Variants in ZNF638 observed in about 807,000 individuals in gnomAD.
The protein encoded by ZNF638 is CTCL tumor antigen se33-1.
In ZNF638, 46 loss-of-function variants were observed where a neutral mutation model predicts 195.6. The observed-to-expected ratio is 0.24, with a 90% CI of 0.19 to 0.30. The LOEUF (loss-of-function observed/expected upper bound fraction) is 0.30. Among genes scored for constraint, ZNF638 ranks in the 10% least tolerant of loss-of-function variants. The probability of loss-of-function intolerance (pLI) is 1.00; values close to 1 mark genes in which losing one functional copy is unlikely to be tolerated. For missense variants in ZNF638, 2,440 were observed against 2,325.3 expected (o/e 1.05, Z -1.01); for synonymous variants, 845 against 772.0 (o/e 1.09, Z -1.57).
At chr2:71,355,199 G>T (rs193046414) in intron 2 of ZNF638, among the ~76,000 whole-genome samples, 1 of 151,928 alleles carries the variant, frequency 6.6e-6, no homozygotes. Flanking sequence ...CTCGTGATCC[G>T]CCCTCCTTGG....
At chr2:71,433,543 A>G (rs1573185436) in intron 27 of ZNF638, 2 of 319,940 alleles carry the variant, frequency 6.3e-6, no homozygotes, top group Non-Finnish European at 1.1e-5. Context: ...AAAGTAAGAA[A>G]CTGCATGTTT....
intron 20 of ZNF638, chr2:71,408,803 G>A: frequency 5.2e-6 from 2 of 384,600 alleles, no homozygotes; most frequent in Non-Finnish European, 1.0e-5. Flanking sequence ...CCTTATATGT[G>A]GTGTCCTTGT....
intron 21 of ZNF638, among the ~76,000 whole-genome samples, chr2:71,421,852 G>A (rs1264469547): frequency 2.0e-5 from 3 of 152,178 alleles, no homozygotes; most frequent in Middle Eastern, 3.4e-3. Flanking sequence ...GGTTTTCCTT[G>A]TTCTTCAAGA....
intron 21 of ZNF638, among the ~76,000 whole-genome samples, chr2:71,421,074 G>A (rs1244085143): frequency 6.6e-6 from 1 of 152,058 alleles, no homozygotes; most frequent in Non-Finnish European, 1.5e-5. Context: ...TGTTATCCTA[G>A]CCCCATAGAT....
Position 71,384,597 on chromosome 2 carries a change from G to GGGAAA in ZNF638, c.2377+4032_2377+4033insGGAAA. 2.6e-5 allele frequency among the ~76,000 whole-genome samples: 4 copies of GGGAAA among 152,286 alleles called. No individual in the cohort carries two copies. In the Middle Eastern group the frequency reaches 0.014, roughly 518 times the overall value. On this transcript the variant is annotated intron_variant, in intron 10 of 27. Coordinates refer to ENST00000264447, the MANE Select transcript of ZNF638 (RefSeq NM_014497.5). ...GCAGGCAAGGTACTGAAGATAAAAAGTCAGTTAAGACTTCTTTTGGGGAGA... is the reference window on the plus strand; with the variant it reads ...GCAGGCAAGGTACTGAAGATAAAAAGGGAAATCAGTTAAGACTTCTTTTGGGGAGA...
intron 10 of ZNF638, among the ~76,000 whole-genome samples, chr2:71,385,703 G>T (rs981226771): frequency 2.6e-5 from 4 of 152,190 alleles, no homozygotes; most frequent in Non-Finnish European, 5.9e-5. Context: ...CTGTGATACT[G>T]TACTACAGTT....
At chr2:71,363,888 CATTT>C in intron 4 of ZNF638, 62 bp from the exon 5 acceptor site, 1 of 1,516,766 alleles carries the variant, frequency 6.6e-7, no homozygotes, top group Non-Finnish European at 8.8e-7. Context: ...GTACTTCTGT[CATTT>C]ATTATCATTT....
At chr2:71,382,557 T>C in intron 10 of ZNF638, among the ~76,000 whole-genome samples, 1 of 152,154 alleles carries the variant, frequency 6.6e-6, no homozygotes, top group East Asian at 1.9e-4. Flanking sequence ...AATGGAAACA[T>C]TCGAGCTCTT....
chr2:71,338,319 CTA>C (rs2078706606), intron 1 of ZNF638, among the ~76,000 whole-genome samples: 1 of 152,208 alleles, frequency 6.6e-6, no homozygotes, highest in African/African-American at 2.4e-5. Context: ...ACTCAGCACT[CTA>C]TAAGAGCTTC....
At chr2:71,369,649 A>AT (rs887109249) in intron 7 of ZNF638, among the ~76,000 whole-genome samples, 13 of 151,570 alleles carry the variant, frequency 8.6e-5, no homozygotes, top group Non-Finnish European at 1.0e-4. Context: ...GCCTGCCTGG[A>AT]TTTTTTTTTA....
In ZNF638 at chr2:71,356,794, ATT is replaced by A. The variant is rs972567815; in HGVS notation, c.1379+1025_1379+1026del. ...ACAGCCTGTTTCAAAAAAAAAAAAA[ATT>A]TTTTTTTTTTAAGTAAGAATTTGTA... On this transcript the variant is annotated intron_variant, in intron 3 of 27. Transcript: ENST00000264447. Among the ~76,000 whole-genome samples the A allele has an allele frequency of 2.5e-3, 359 of 146,516 alleles. 1 individual carries two copies. Among genetic ancestry groups the A allele is most frequent in the African/African-American group, 8.6e-3 (347 of 40,230 alleles).
chr2:71,399,935 T>A (rs1363981380), intron 13 of ZNF638, among the ~76,000 whole-genome samples, 177 bp from the exon 14 acceptor site: 1 of 152,188 alleles, frequency 6.6e-6, no homozygotes, highest in East Asian at 1.9e-4. Flanking sequence ...AAATTTTGCC[T>A]AAAAATTATC....
chr2:71,349,247 A>G lies in ZNF638; in HGVS notation c.293A>G (p.Lys98Arg). Residue 98 changes from lysine (K) to arginine (R), a missense_variant, in exon 2 of 28, where the codon AAG becomes AGG. Physicochemically the swap from Lys to Arg is conservative, Grantham distance 26. Coordinates refer to ENST00000264447, the MANE Select transcript of ZNF638 (RefSeq NM_014497.5). ...CATGAAGCACAACAGAAGAAGGGGA[A>G]GCCTCATGGTAGCCGGTGGGATGAT... ...DFHEAQQKKG[K>R]PHGSRWDDEP... The G allele has an allele frequency of 6.2e-7, 1 of 1,614,178 alleles. No homozygotes were observed. Among genetic ancestry groups the G allele is most frequent in the South Asian group, 1.1e-5 (1 of 91,072 alleles).
Position 71,423,584 on chromosome 2 carries a change from C to G in ZNF638, c.4070C>G (p.Thr1357Ser), listed in dbSNP as rs1312334387. The G allele has an allele frequency of 6.2e-7, 1 of 1,613,886 alleles. No homozygotes were observed. The highest frequency in any genetic ancestry group is 8.5e-7 in the Non-Finnish European group (1 of 1,179,978). ...AAMKEKPAEN[T>S]LFKAYPNKGV... Reference sequence around the variant, plus strand: ...ATGAAAGAAAAGCCTGCAGAAAACACTTTATTCAAGGCATACCCAAATAAA... The same window carrying G: ...ATGAAAGAAAAGCCTGCAGAAAACAGTTTATTCAAGGCATACCCAAATAAA... Residue 1357 changes from threonine (T) to serine (S), a missense_variant, in exon 22 of 28, where the codon ACT (threonine) becomes AGT (serine). Physicochemically the swap from Thr to Ser is moderately conservative, Grantham distance 58. Coordinates refer to ENST00000264447, the MANE Select transcript of ZNF638 (RefSeq NM_014497.5).
intron 11 of ZNF638, among the ~76,000 whole-genome samples, chr2:71,397,029 G>C (rs893152124): frequency 6.6e-6 from 1 of 152,160 alleles, no homozygotes; most frequent in Non-Finnish European, 1.5e-5. Context: ...ATCATTATTA[G>C]TGGCAGATCC....
chr2:71,361,047 C>T (rs2079100733), intron 3 of ZNF638, among the ~76,000 whole-genome samples: 1 of 152,134 alleles, frequency 6.6e-6, no homozygotes, highest in Non-Finnish European at 1.5e-5. Flanking sequence ...CTGCAACCTC[C>T]ACCTCCTGGG....
rs1018919705 is a variant in ZNF638, at chr2:71,408,480, A to G, written c.3261+233A>G. The G allele has an allele frequency of 9.3e-5, 41 of 440,534 alleles. No homozygotes were observed. The Admixed American group carries it at 1.5e-3, about 17-fold the overall frequency. 27.3% of individuals were successfully genotyped at this position (440,534 alleles called of 1,614,324 possible). On this transcript the variant is annotated intron_variant, in intron 20 of 27. Transcript: ENST00000264447. ...GCATTTTTGAATACTTACTGTTGAC[A>G]TGTAGGTATCTACATTTTTGTGTAT...
intron 3 of ZNF638, among the ~76,000 whole-genome samples, chr2:71,359,047 C>T (rs923187582): frequency 1.3e-5 from 2 of 152,126 alleles, no homozygotes; most frequent in Non-Finnish European, 2.9e-5. Flanking sequence ...TTTATTTGCA[C>T]TGGGAAACCA....
Position 71,396,872 on chromosome 2 carries a change from G to A in ZNF638, c.2428+681G>A, listed in dbSNP as rs562750600. Among the ~76,000 whole-genome samples the A allele has an allele frequency of 1.2e-4, 19 of 152,260 alleles. No homozygotes were observed. In the East Asian group the frequency reaches 3.3e-3, roughly 26 times the overall value. ...TGGGGCAGGAGAATCGCTTGAACCC[G>A]GGAGGTGGAAGTTGCAGTGAGCTGA... On this transcript the variant is annotated intron_variant, in intron 11 of 27. Transcript: ENST00000264447.
Sources: gnomAD v4.1 joint callset for allele counts (sites outside exome capture counted in the v4.1 genomes callset) on GRCh38, gnomAD v4.1.1 for gene constraint, MANE v1.5 for transcripts, NCBI Gene and HGNC (gene_info 2026-07-23, HGNC 2026-07-21) for gene names.